MAP4K3: variants seen among roughly 807,000 people sequenced by gnomAD.
The protein encoded by MAP4K3 is MAPK/ERK kinase kinase kinase 3.
A neutral mutation model predicts 143.5 loss-of-function variants in MAP4K3; 94 were observed. That is an observed-to-expected ratio of 0.65 (90% CI 0.55 to 0.78). The LOEUF (loss-of-function observed/expected upper bound fraction) is 0.78, where lower values mean the gene tolerates loss of function less well. Ranked by LOEUF, MAP4K3 falls within the 30% of genes least tolerant of loss-of-function variation. The pLI is 0.00. For synonymous variants in MAP4K3, 416 were observed against 347.2 expected (o/e 1.20, Z -2.20); for missense variants, 1,077 against 1,068.1 (o/e 1.01, Z -0.12).
intron 21 of MAP4K3, 64 bp downstream of exon 21, chr2:39,286,787 TA>T: frequency 1.0e-6 from 1 of 958,136 alleles, no homozygotes; most frequent in South Asian, 2.0e-5. Context: ...ATTGTAAGCA[TA>T]AAACTAACTT....
intron 19 of MAP4K3, among the ~76,000 whole-genome samples, chr2:39,289,252 G>A (rs1434268021): frequency 1.3e-5 from 2 of 152,014 alleles, no homozygotes; most frequent in East Asian, 3.9e-4. Context: ...CTTCTGCTAT[G>A]ATAAAACTAA....
chr2:39,380,411 G>T (rs1666329065), intron 1 of MAP4K3, among the ~76,000 whole-genome samples: 1 of 151,896 alleles, frequency 6.6e-6, no homozygotes, highest in African/African-American at 2.4e-5. Flanking sequence ...TACACACAAA[G>T]GTAAATTTAA....
intron 1 of MAP4K3, among the ~76,000 whole-genome samples, chr2:39,392,587 A>G (rs1666696192): frequency 6.6e-6 from 1 of 152,226 alleles, no homozygotes; most frequent in Admixed American, 6.5e-5. Flanking sequence ...GCTGAGAAAA[A>G]TGTTTACAGA....
At chr2:39,381,200 T>G (rs999631270) in intron 1 of MAP4K3, among the ~76,000 whole-genome samples, 10 of 152,234 alleles carry the variant, frequency 6.6e-5, no homozygotes, top group African/African-American at 2.4e-4. Context: ...TTGGGCTGTT[T>G]CTACTTTTTA....
intron 1 of MAP4K3, among the ~76,000 whole-genome samples, chr2:39,418,701 G>C (rs1337983033): frequency 1.3e-5 from 2 of 150,548 alleles, no homozygotes; most frequent in East Asian, 3.9e-4. Flanking sequence ...ATTCTCCCTA[G>C]AATCTATAAC....
At chr2:39,351,160 A>G (rs1665446186) in intron 3 of MAP4K3, among the ~76,000 whole-genome samples, 1 of 152,178 alleles carries the variant, frequency 6.6e-6, no homozygotes, top group Non-Finnish European at 1.5e-5. Flanking sequence ...CAATCTCTGC[A>G]CATACTGAGA....
intron 22 of MAP4K3, among the ~76,000 whole-genome samples, chr2:39,282,083 T>G (rs1386374297): frequency 6.6e-6 from 1 of 151,458 alleles, no homozygotes; most frequent in Non-Finnish European, 1.5e-5. Context: ...TAGTCCCAGC[T>G]ACTCGAGAGG....
chr2:39,343,169 G>A (rs115985284), intron 4 of MAP4K3, among the ~76,000 whole-genome samples: 25 of 152,258 alleles, frequency 1.6e-4, no homozygotes, highest in African/African-American at 6.0e-4. Context: ...TGCCTCTGCA[G>A]AATTAGCAAA....
rs949548743 is a variant in MAP4K3 at position 39,249,793 on chromosome 2, T to C, written c.*825A>G. On this transcript the variant is annotated 3_prime_UTR_variant, in exon 34 of 34. Transcript: ENST00000263881. ...AATTCTGACCACAATTGCAGTATTC[T>C]ATCATGGTACCGCTATTCTGTGATT... is the stretch of plus-strand genomic sequence containing the variant. 4 of 152,628 alleles carry C rather than the reference T, an allele frequency of 2.6e-5. No homozygotes were observed. In the East Asian group the frequency reaches 5.8e-4, roughly 22 times the overall value. The allele number at this position is 152,628 out of a possible 1,614,324, so 9.5% of individuals were successfully genotyped here.
intron 12 of MAP4K3, among the ~76,000 whole-genome samples, chr2:39,325,041 T>C (rs1380294397): frequency 6.6e-6 from 1 of 152,276 alleles, no homozygotes; most frequent in South Asian, 2.1e-4. Context: ...GGTTTCAAAC[T>C]CCTGGCCTCA....
intron 1 of MAP4K3, among the ~76,000 whole-genome samples, chr2:39,394,852 C>G (rs942510228): frequency 3.3e-5 from 5 of 152,096 alleles, no homozygotes; most frequent in Non-Finnish European, 1.5e-5. Context: ...TTTGTCAGTG[C>G]TATATCCTCC....
At chr2:39,333,460 A>C in intron 7 of MAP4K3, 72 bp downstream of exon 7, 1 of 1,228,038 alleles carries the variant, frequency 8.1e-7, no homozygotes, top group Non-Finnish European at 1.2e-6. Flanking sequence ...ACCTGGTCCT[A>C]CAAAGGAAAA....
intron 2 of MAP4K3, among the ~76,000 whole-genome samples, chr2:39,372,725 G>A (rs1383439636): frequency 6.6e-6 from 1 of 152,000 alleles, no homozygotes; most frequent in Admixed American, 6.6e-5. Context: ...TGAGAAAACT[G>A]GATATCCATA....
intron 1 of MAP4K3, among the ~76,000 whole-genome samples, chr2:39,396,321 G>A (rs904627534): frequency 2.0e-5 from 3 of 152,016 alleles, no homozygotes; most frequent in African/African-American, 7.3e-5. Flanking sequence ...GATTATAGGT[G>A]AGCCACTGCA....
chr2:39,378,272 C>T, intron 1 of MAP4K3, 149 bp from the exon 2 acceptor site: 1 of 567,394 alleles, frequency 1.8e-6, no homozygotes, highest in South Asian at 2.5e-5. Flanking sequence ...AATAGTTTTT[C>T]CTTCACAATA....
chr2:39,346,937 T>C (rs1665309445), intron 3 of MAP4K3, among the ~76,000 whole-genome samples: 1 of 151,902 alleles, frequency 6.6e-6, no homozygotes, highest in Non-Finnish European at 1.5e-5. Context: ...CATAACCTGA[T>C]CTCTATAGGT....
chr2:39,387,823 G>A (rs576414886), intron 1 of MAP4K3, among the ~76,000 whole-genome samples: 18 of 152,154 alleles, frequency 1.2e-4, no homozygotes, highest in Admixed American at 3.9e-4. Flanking sequence ...TAACTTGAAT[G>A]GCTCTTTGTT....
At chr2:39,345,847 G>A (rs978917677) in intron 3 of MAP4K3, among the ~76,000 whole-genome samples, 2 of 150,176 alleles carry the variant, frequency 1.3e-5, no homozygotes, top group African/African-American at 4.9e-5. Context: ...GCATGAACCC[G>A]GGAGGCGGAG....
At chr2:39,368,064 G>T (rs2148567533) in intron 2 of MAP4K3, among the ~76,000 whole-genome samples, 1 of 152,216 alleles carries the variant, frequency 6.6e-6, no homozygotes, top group East Asian at 1.9e-4. Context: ...TCTTTTGAGA[G>T]CCAGGTTTAC....
Sources: gnomAD v4.1 joint callset for allele counts (sites outside exome capture counted in the v4.1 genomes callset) on GRCh38, gnomAD v4.1.1 for gene constraint, MANE v1.5 for transcripts, NCBI Gene and HGNC (gene_info 2026-07-23, HGNC 2026-07-21) for gene names.